DLGAP1: variants seen among roughly 807,000 people sequenced by gnomAD.
The protein encoded by DLGAP1 is DLG associated protein 1, also known as disks large-associated protein 1.
DLGAP1 carries 11 observed loss-of-function variants against 90.8 expected under a neutral mutation model. That is an observed-to-expected ratio of 0.12 (90% CI 0.08 to 0.20). The LOEUF is 0.20. DLGAP1 is among the 10% of genes least tolerant of loss of function. The pLI, the probability that DLGAP1 is intolerant of heterozygous loss-of-function variation, is 1.00. For synonymous variants in DLGAP1, 558 were observed against 540.7 expected, an observed-to-expected ratio of 1.03 and a Z score of -0.44; for missense variants, 1,050 against 1,333.8, an observed-to-expected ratio of 0.79 and a Z score of 3.31.
chr18:3,773,631 A>G (rs2064802329), intron 5 of DLGAP1, among the ~76,000 whole-genome samples: 1 of 152,222 alleles, frequency 6.6e-6, no homozygotes, highest in Admixed American at 6.5e-5. Context: ...TGTACCTAAC[A>G]ATAGTGTTCA....
chr18:3,778,615 T>C (rs2065042000), intron 5 of DLGAP1, among the ~76,000 whole-genome samples: 1 of 152,066 alleles, frequency 6.6e-6, no homozygotes, highest in Admixed American at 6.5e-5. Context: ...CAGGGAGACC[T>C]GTGCACAGCA....
At chr18:3,768,285 T>C (rs557302890) in intron 5 of DLGAP1, among the ~76,000 whole-genome samples, 1 of 152,214 alleles carries the variant, frequency 6.6e-6, no homozygotes, top group Admixed American at 6.5e-5. Context: ...ATGGCACTGA[T>C]GAAATAAATC....
At chr18:4,203,293 T>C (rs1281761185) in intron 1 of DLGAP1, among the ~76,000 whole-genome samples, 2 of 151,514 alleles carry the variant, frequency 1.3e-5, no homozygotes, top group Non-Finnish European at 2.9e-5. Context: ...GATACTCTTA[T>C]AAAAGTGTGT....
At chr18:4,252,933 G>A (rs10048343) in intron 1 of DLGAP1, among the ~76,000 whole-genome samples, 58,016 of 152,062 alleles carry the variant, frequency 0.38, 15,176 homozygotes, top group African/African-American at 0.75. Context: ...TGCTTTCAAG[G>A]CACTTGGAGA....
intron 7 of DLGAP1, among the ~76,000 whole-genome samples, chr18:3,673,968 G>A (rs1417524447): frequency 1.3e-5 from 2 of 151,630 alleles, no homozygotes; most frequent in South Asian, 2.1e-4. Flanking sequence ...TCAGCTTCCC[G>A]AGTAGCTGGG....
At chr18:4,340,379 C>T (rs1035360027) in intron 1 of DLGAP1, among the ~76,000 whole-genome samples, 13 of 152,008 alleles carry the variant, frequency 8.6e-5, no homozygotes, top group African/African-American at 2.9e-4. Context: ...AAACGGCATG[C>T]AATTTAAAAC....
chr18:3,569,104 C>T (rs748774791), intron 8 of DLGAP1, among the ~76,000 whole-genome samples: 25 of 151,776 alleles, frequency 1.6e-4, no homozygotes, highest in Non-Finnish European at 3.2e-4. Context: ...CGGGTTCAAG[C>T]AATTCTCCTG....
chr18:3,764,341 C>T (rs2147940608), intron 5 of DLGAP1, among the ~76,000 whole-genome samples: 1 of 152,334 alleles, frequency 6.6e-6, no homozygotes, highest in East Asian at 1.9e-4. Context: ...TCAGTAATCT[C>T]CTTTGGTAAC....
At chr18:4,387,930 TACACACACACACACACACACACACA>T (rs2082267334) in intron 1 of DLGAP1, among the ~76,000 whole-genome samples, 1 of 123,258 alleles carries the variant, frequency 8.1e-6, no homozygotes, top group Non-Finnish European at 1.7e-5. Context: ...CCATCACACA[TACACACACACACACACACACACACA>T]CACACACACA....
chr18:3,744,495 C>T (rs1400057900), intron 5 of DLGAP1, among the ~76,000 whole-genome samples: 1 of 152,128 alleles, frequency 6.6e-6, no homozygotes, highest in Admixed American at 6.5e-5. Context: ...TGTAAAAAAA[C>T]TTAAATTTTC....
chr18:4,059,308 C>G (rs771191693), intron 2 of DLGAP1, among the ~76,000 whole-genome samples: 2 of 152,114 alleles, frequency 1.3e-5, no homozygotes, highest in African/African-American at 4.8e-5. Flanking sequence ...ACATGGGTAA[C>G]TGTGTCTCCA....
intron 7 of DLGAP1, among the ~76,000 whole-genome samples, chr18:3,723,385 T>C (rs1442239064): frequency 6.6e-6 from 1 of 152,188 alleles, no homozygotes; most frequent in African/African-American, 2.4e-5. Context: ...AGCAATGCTA[T>C]TTTCCCTAGG....
chr18:3,499,014 GC>G lies in DLGAP1; in HGVS notation c.*170del. On this transcript the variant is annotated 3_prime_UTR_variant, in exon 13 of 13. Transcript: ENST00000315677. This position sits in a 1 kb window ranked among gnomAD's most constrained non-coding sequence, Gnocchi z 6.4. ...GGCAAACGGGTACGGGAAGTGGGGG[GC>G]TGAGGGGGGCCCGGGGGGCGGCTCC... 1 of 593,638 alleles carries G rather than the reference GC, an allele frequency of 1.7e-6. No homozygotes were observed. The highest frequency in any genetic ancestry group is 2.9e-6 in the Non-Finnish European group (1 of 346,554). The allele number at this position is 593,638 out of a possible 1,614,324, so 36.8% of individuals were successfully genotyped here. A position where few individuals can be genotyped will look rare whatever the true frequency, so the allele number is the denominator to read the frequency against.
chr18:3,814,414 T>C, intron 4 of DLGAP1, 141 bp from the exon 5 acceptor site: 1 of 773,946 alleles, frequency 1.3e-6, no homozygotes, highest in Non-Finnish European at 2.0e-6. Flanking sequence ...CAGACTGGAG[T>C]GCAGTGGTGC....
chr18:3,746,772 T>A (rs1161118916), intron 5 of DLGAP1, among the ~76,000 whole-genome samples: 5 of 152,226 alleles, frequency 3.3e-5, no homozygotes, highest in Non-Finnish European at 7.3e-5. Flanking sequence ...TTAAAAAACA[T>A]ACATTTACAC....
At chr18:3,553,971 A>G (rs1354266034) in intron 9 of DLGAP1, among the ~76,000 whole-genome samples, 4 of 152,120 alleles carry the variant, frequency 2.6e-5, no homozygotes, top group East Asian at 1.9e-4. Context: ...CTTTGTGTCC[A>G]CTGCTGGAGT....
chr18:4,235,770 T>G (rs1038691663), intron 1 of DLGAP1, among the ~76,000 whole-genome samples: 42 of 126,314 alleles, frequency 3.3e-4, no homozygotes, highest in East Asian at 3.1e-4. Flanking sequence ...CTGTTGCCCA[T>G]GCTGGAGTGC....
At chr18:3,620,209 T>C (rs187073475) in intron 7 of DLGAP1, among the ~76,000 whole-genome samples, 1 of 152,022 alleles carries the variant, frequency 6.6e-6, no homozygotes, top group Non-Finnish European at 1.5e-5. Context: ...ACAAAGACGA[T>C]GATGTGATGA....
chr18:3,945,152 G>A (rs111787701), intron 3 of DLGAP1, among the ~76,000 whole-genome samples: 3,593 of 152,134 alleles, frequency 0.024, 53 homozygotes, highest in African/African-American at 0.03. Flanking sequence ...CTCTAAAATG[G>A]GAATGATGAT....
Sources: allele counts gnomAD v4.1 joint callset (sites outside exome capture counted in the v4.1 genomes callset), GRCh38; gene constraint gnomAD v4.1.1; non-coding constraint Gnocchi (gnomAD v3.1); transcripts MANE v1.5; gene names NCBI Gene and HGNC (gene_info 2026-07-23, HGNC 2026-07-21).